Variants in MCF2L observed in about 807,000 individuals in gnomAD.
MCF2L encodes the protein MCF.2 cell line derived transforming sequence like, also known as guanine nucleotide exchange factor DBS.
Under a neutral mutation model 153.4 loss-of-function variants are expected in MCF2L, and 97 were observed. The observed-to-expected ratio is 0.63, with a 90% CI of 0.54 to 0.75. The LOEUF (loss-of-function observed/expected upper bound fraction) is 0.75. Among genes scored for constraint, MCF2L ranks in the 30% least tolerant of loss-of-function variants. MCF2L has a pLI of 0.00. For synonymous variants in MCF2L, 659 were observed against 632.2 expected, an observed-to-expected ratio of 1.04 and a Z score of -0.64; for missense variants, 1,347 against 1,495.2, an observed-to-expected ratio of 0.90 and a Z score of 1.64.
chr13:112,925,788 A>C (rs2081395770), intron 2 of MCF2L, among the ~76,000 whole-genome samples: 1 of 152,186 alleles, frequency 6.6e-6, no homozygotes, highest in South Asian at 2.1e-4. Flanking sequence ...ATATCTAGTA[A>C]AGGAATCTTA....
rs1001157362 is a variant in MCF2L at position 112,907,416 on chromosome 13, G to A, written c.169+5045G>A. 1.3e-5 allele frequency among the ~76,000 whole-genome samples: 2 copies of A among 152,098 alleles called. No homozygotes were observed. Among genetic ancestry groups the A allele is most frequent in the African/African-American group, 4.8e-5 (2 of 41,412 alleles). On this transcript the variant is annotated intron_variant, in intron 2 of 29. Transcript: ENST00000375608. The surrounding 1 kb of genome is among the most constrained non-coding windows in gnomAD (Gnocchi z 5.1). ...AGTCGTGGCTTGGTGGAGAATCCTC[G>A]GTGTTTGTGGCATGGATCGTAGTCA...
intron 1 of MCF2L, among the ~76,000 whole-genome samples, chr13:112,974,275 C>T (rs933273618): frequency 3.9e-5 from 6 of 152,196 alleles, no homozygotes; most frequent in Non-Finnish European, 7.3e-5. Flanking sequence ...GCATGGCTAA[C>T]CTCTGAGTCT....
chr13:113,019,286 G>A (rs959672081), intron 2 of MCF2L, among the ~76,000 whole-genome samples: 5 of 152,228 alleles, frequency 3.3e-5, no homozygotes, highest in Non-Finnish European at 7.3e-5. Flanking sequence ...GGACCCCGGA[G>A]TCTCCCTGGC....
At chr13:113,048,738 G>A (rs1049991443) in intron 4 of MCF2L, among the ~76,000 whole-genome samples, 54 of 152,310 alleles carry the variant, frequency 3.5e-4, no homozygotes, top group Admixed American at 8.5e-4. Context: ...CACCGCGCCC[G>A]GCTTATGGTC....
chr13:113,051,371 G>A (rs377070439), intron 4 of MCF2L, among the ~76,000 whole-genome samples: 307 of 152,284 alleles, frequency 2.0e-3, no homozygotes, highest in African/African-American at 7.1e-3. Context: ...GGGCGGTGCC[G>A]GTCATGCAGA....
chr13:112,905,245 C>T lies in MCF2L; in HGVS notation c.169+2874C>T, dbSNP rs116055595. On this transcript the variant is annotated intron_variant, in intron 2 of 29. Transcript: ENST00000375608. ...GGAGGAGAGGGGGTTTTATCCCTAACGCAGCCAGTCCCTGCTACTGTGTCC... is the reference window on the plus strand; with the variant it reads ...GGAGGAGAGGGGGTTTTATCCCTAATGCAGCCAGTCCCTGCTACTGTGTCC... Among the ~76,000 whole-genome samples, 969 of 152,294 alleles carry T rather than the reference C, an allele frequency of 6.4e-3. 12 individuals carry two copies. Among genetic ancestry groups the T allele is most frequent in the African/African-American group, 0.021 (881 of 41,548 alleles).
chr13:113,001,913 G>T, intron 1 of MCF2L: 1 of 1,593,710 alleles, frequency 6.3e-7, no homozygotes, highest in South Asian at 1.1e-5. Context: ...TGGGCAGCAT[G>T]ACGGTGCGCC....
intron 3 of MCF2L, among the ~76,000 whole-genome samples, chr13:113,038,414 G>A (rs1386587804): frequency 6.8e-6 from 1 of 147,626 alleles, no homozygotes; most frequent in Non-Finnish European, 1.5e-5. Context: ...GCAGTGAGCT[G>A]ATATCGCGCC....
intron 4 of MCF2L, chr13:113,047,079 C>A: frequency 6.3e-6 from 1 of 158,574 alleles, no homozygotes; most frequent in Non-Finnish European, 1.4e-5. Context: ...AGAGAGGGAG[C>A]GAGAGAGAAG....
At chr13:113,037,538 G>T (rs1490652691) in intron 3 of MCF2L, among the ~76,000 whole-genome samples, 2 of 152,148 alleles carry the variant, frequency 1.3e-5, no homozygotes, top group African/African-American at 2.4e-5. Flanking sequence ...ATGGAAACAG[G>T]TTCAAAACCC....
rs1010728261 is a variant in MCF2L at position 112,983,584 on chromosome 13, G to T, written c.79+14126G>T. Among the ~76,000 whole-genome samples the T allele has an allele frequency of 6.6e-6, 1 of 152,250 alleles. No individual in the cohort carries two copies. Among genetic ancestry groups the T allele is most frequent in the Non-Finnish European group, 1.5e-5 (1 of 68,042 alleles). ...ACGGCAGAGCCGTAGGCGGAGACAG[G>T]GAGCCGGGAGGAGCGTCAGATGCCT... On this transcript the variant is annotated intron_variant, in intron 1 of 29. Coordinates refer to ENST00000535094, the MANE Select transcript of MCF2L (RefSeq NM_001112732.3). This position sits in a 1 kb window ranked among gnomAD's most constrained non-coding sequence, Gnocchi z 4.0.
chr13:113,053,978 C>T lies in MCF2L; in HGVS notation c.370-6615C>T, dbSNP rs185245558. ...CTCAGTTCACACGGCTCCGAATCGG[C>T]GAAACGCAACCAACGCTGGGCAGAA... On this transcript the variant is annotated intron_variant, in intron 4 of 29. Coordinates refer to ENST00000535094, the MANE Select transcript of MCF2L (RefSeq NM_001112732.3). The surrounding 1 kb of genome is among the most constrained non-coding windows in gnomAD (Gnocchi z 4.4). Among the ~76,000 whole-genome samples the T allele has an allele frequency of 2.0e-4, 31 of 152,252 alleles. No individual in the cohort carries two copies. Among genetic ancestry groups the T allele is most frequent in the Admixed American group, 5.9e-4 (9 of 15,296 alleles).
In MCF2L at chr13:112,902,170, A is replaced by G. The variant is rs571470372; in HGVS notation, c.-4-29A>G. ...TTAAGTCTTTCTGCAGCATGACCTC[A>G]TCGTGCTTTTAAAATCTTTTTTCTG... On this transcript the variant is annotated intron_variant, in intron 1 of 29. Coordinates refer to the MCF2L transcript ENST00000375608. The G allele has an allele frequency of 7.2e-5, 115 of 1,592,546 alleles. No homozygotes were observed. The South Asian group carries it at 7.7e-4, about 11-fold the overall frequency.
At chr13:112,913,652 G>A (rs2081259381) in intron 2 of MCF2L, among the ~76,000 whole-genome samples, 1 of 152,178 alleles carries the variant, frequency 6.6e-6, no homozygotes, top group South Asian at 2.1e-4. Flanking sequence ...ACGTCCATCT[G>A]TGGGTCAGTC....
At chr13:112,992,886 A>G (rs1246142341) in intron 1 of MCF2L, among the ~76,000 whole-genome samples, 1 of 152,252 alleles carries the variant, frequency 6.6e-6, no homozygotes, top group Non-Finnish European at 1.5e-5. Context: ...AGGACAAAAG[A>G]AAACATTTCT....
chr13:113,006,946 C>T lies in MCF2L; in HGVS notation c.80-7817C>T, dbSNP rs536441262. 5.3e-5 allele frequency among the ~76,000 whole-genome samples: 8 copies of T among 152,272 alleles called. No homozygotes were observed. The East Asian group carries it at 9.7e-4, about 18-fold the overall frequency. ...GGGCTGTGACCGGAGGTGGCAAAGCCGGCAGCCAGCCCGGCCCTTGGGGGA... is the reference window on the plus strand; with the variant it reads ...GGGCTGTGACCGGAGGTGGCAAAGCTGGCAGCCAGCCCGGCCCTTGGGGGA... On this transcript the variant is annotated intron_variant, in intron 1 of 29. Transcript: ENST00000535094.
chr13:112,975,647 C>T (rs1169461698), intron 1 of MCF2L, among the ~76,000 whole-genome samples: 1 of 152,184 alleles, frequency 6.6e-6, no homozygotes, highest in Non-Finnish European at 1.5e-5. Context: ...CTGCCGTGGT[C>T]ATCCTCAGGG....
intron 15 of MCF2L, among the ~76,000 whole-genome samples, chr13:113,080,517 A>G (rs1487786437): frequency 6.6e-6 from 1 of 152,214 alleles, no homozygotes; most frequent in East Asian, 1.9e-4. Context: ...ACCCAGGACC[A>G]GCCCCCTGGC....
chr13:112,909,521 G>T, intron 2 of MCF2L: 1 of 507,834 alleles, frequency 2.0e-6, no homozygotes, highest in South Asian at 3.4e-5. Context: ...GCAGCCAGCG[G>T]GTCTATCAAC....
Sources: gnomAD v4.1 joint callset for allele counts (sites outside exome capture counted in the v4.1 genomes callset) on GRCh38, gnomAD v4.1.1 for gene constraint, Gnocchi (gnomAD v3.1) non-coding constraint, MANE v1.5 for transcripts, NCBI Gene and HGNC (gene_info 2026-07-23, HGNC 2026-07-21) for gene names.